The following FHOD3 variants were observed in gnomAD, a reference collection of about 807,000 sequenced individuals.
The protein encoded by FHOD3 is formin homology 2 domain containing 3.
FHOD3 carries 90 observed loss-of-function variants against 173.0 expected under a neutral mutation model. The ratio of observed to expected loss-of-function variants is 0.52; its 90% CI spans 0.44 to 0.62. The LOEUF (loss-of-function observed/expected upper bound fraction) is 0.62, where lower values mean the gene tolerates loss of function less well. Among genes scored for constraint, FHOD3 ranks in the 20% least tolerant of loss-of-function variants. The pLI, the probability that FHOD3 is intolerant of heterozygous loss-of-function variation, is 0.00. For synonymous variants in FHOD3, 828 were observed against 823.0 expected (o/e 1.01, Z -0.10); for missense variants, 1,945 against 2,034.7 (o/e 0.96, Z 0.85).
intron 20 of FHOD3, among the ~76,000 whole-genome samples, chr18:36,735,491 C>A (rs1038174745): frequency 6.6e-6 from 1 of 152,146 alleles, no homozygotes; most frequent in South Asian, 2.1e-4. Flanking sequence ...TAGAGGTAGC[C>A]CCTGGGTTCT....
chr18:36,358,566 A>G (rs1208943923), intron 2 of FHOD3, among the ~76,000 whole-genome samples: 1 of 152,252 alleles, frequency 6.6e-6, no homozygotes, highest in Non-Finnish European at 1.5e-5. Flanking sequence ...TGCTGGGAAA[A>G]TGAATTATGG....
intron 13 of FHOD3, among the ~76,000 whole-genome samples, chr18:36,656,098 C>A (rs889506894): frequency 6.6e-6 from 1 of 152,074 alleles, no homozygotes; most frequent in Non-Finnish European, 1.5e-5. Flanking sequence ...GGTCTCGTCA[C>A]GGAGAGTGCT....
intron 3 of FHOD3, among the ~76,000 whole-genome samples, chr18:36,386,964 CT>C (rs1461346163): frequency 6.6e-6 from 1 of 152,154 alleles, no homozygotes; most frequent in African/African-American, 2.4e-5. Context: ...TGTTGTGTAC[CT>C]AGAATCTAAG....
intron 20 of FHOD3, among the ~76,000 whole-genome samples, chr18:36,732,400 G>C (rs948815950): frequency 2.6e-5 from 4 of 152,280 alleles, no homozygotes; most frequent in South Asian, 2.1e-4. Context: ...TACACCCCCT[G>C]TTCCAGGAAC....
Position 36,532,535 on chromosome 18 carries a change from C to A in FHOD3, c.511+19992C>A, listed in dbSNP as rs187232697. On this transcript the variant is annotated intron_variant, in intron 5 of 28. Coordinates refer to ENST00000590592, the MANE Select transcript of FHOD3 (RefSeq NM_001281740.3). ...CCTGGCAGAGGGAGCTTCTGGTTTCCTTCCCCATCAGAAATATTTCTGAGT... is the reference window on the plus strand; with the variant it reads ...CCTGGCAGAGGGAGCTTCTGGTTTCATTCCCCATCAGAAATATTTCTGAGT... Among the ~76,000 whole-genome samples the A allele has an allele frequency of 6.6e-5, 10 of 152,308 alleles. 1 individual carries two copies. In the East Asian group the frequency reaches 1.9e-3, roughly 29 times the overall value.
intron 3 of FHOD3, among the ~76,000 whole-genome samples, chr18:36,423,470 A>C (rs909204204): frequency 2.6e-5 from 4 of 152,210 alleles, no homozygotes; most frequent in South Asian, 4.1e-4. Context: ...ATCTGATGAG[A>C]ATTCCTAAGT....
chr18:36,774,281 T>C (rs1272686870), intron 28 of FHOD3, among the ~76,000 whole-genome samples: 1 of 152,202 alleles, frequency 6.6e-6, no homozygotes, highest in African/African-American at 2.4e-5. Flanking sequence ...GGCTGGGCTC[T>C]GCAAGGCCAA....
chr18:36,602,714 A>G lies in FHOD3; in HGVS notation c.759A>G (p.Glu253=), dbSNP rs771028885. 1.9e-6 allele frequency: 3 copies of G among 1,614,234 alleles called. No individual in the cohort carries two copies. Among genetic ancestry groups the G allele is most frequent in the Non-Finnish European group, 2.5e-6 (3 of 1,180,034 alleles). The change falls in exon 8 of 29, where the codon GAA becomes GAG. Residue 253 remains glutamate, a synonymous_variant. Coordinates refer to ENST00000590592, the MANE Select transcript of FHOD3 (RefSeq NM_001281740.3). ...PWSNIMEILE[E]KDGVDTELLV... is the part of the protein sequence containing the mutation. Reference sequence around the variant, plus strand: ...CAAATATCATGGAAATCCTGGAGGAAAAAGATGGAGTTGATACGGAGCTAC... The same window carrying G: ...CAAATATCATGGAAATCCTGGAGGAGAAAGATGGAGTTGATACGGAGCTAC...
chr18:36,557,089 G>T (rs2057917100), intron 5 of FHOD3, among the ~76,000 whole-genome samples: 1 of 151,972 alleles, frequency 6.6e-6, no homozygotes, highest in Non-Finnish European at 1.5e-5. Context: ...CTGTTCTTCT[G>T]TATCAATGGT....
In FHOD3 at chr18:36,732,553, T is replaced by G. The variant is rs569010283; in HGVS notation, c.3576+1749T>G. Among the ~76,000 whole-genome samples, 7 of 152,308 alleles carry G rather than the reference T, an allele frequency of 4.6e-5. No homozygotes were observed. The South Asian group carries it at 1.4e-3, about 32-fold the overall frequency. ...CAGCATTCTCCTCTGTGTTCAAACT[T>G]CCTTCTTCTTATAAGGATACCAGTC... On this transcript the variant is annotated intron_variant, in intron 20 of 28. Coordinates refer to ENST00000590592, the MANE Select transcript of FHOD3 (RefSeq NM_001281740.3).
At chr18:36,531,463 C>T (rs1450999464) in intron 5 of FHOD3, among the ~76,000 whole-genome samples, 1 of 152,210 alleles carries the variant, frequency 6.6e-6, no homozygotes, top group Non-Finnish European at 1.5e-5. Flanking sequence ...GTGGTTGAGA[C>T]CCTTCCCCGA....
Position 36,746,972 on chromosome 18 carries a change from T to A in FHOD3, c.4069T>A (p.Leu1357Ile), listed in dbSNP as rs761072317. The A allele has an allele frequency of 3.1e-5, 50 of 1,612,032 alleles. No individual in the cohort carries two copies. The highest frequency in any genetic ancestry group is 4.2e-5 in the Non-Finnish European group (50 of 1,179,450). Residue 1357 changes from leucine (L) to isoleucine (I), a missense_variant, in exon 24 of 29, where the codon TTA (leucine) becomes ATA (isoleucine). Leu to Ile is a conservative substitution (Grantham distance 5). Transcript: ENST00000590592. ...TGACTTTGATCAACTTCAGGATAAT[T>A]TATGTCAGATGGAGAGAAGATGCAA... ...KVDFDQLQDN[L>I]CQMERRCKAS...
At chr18:36,364,406 A>G (rs1432120646) in intron 2 of FHOD3, among the ~76,000 whole-genome samples, 1 of 152,092 alleles carries the variant, frequency 6.6e-6, no homozygotes, top group East Asian at 1.9e-4. Flanking sequence ...GTGCACGCCC[A>G]TTTCTGTGTG....
chr18:36,407,479 A>T (rs2049128931), intron 3 of FHOD3, among the ~76,000 whole-genome samples: 1 of 152,100 alleles, frequency 6.6e-6, no homozygotes, highest in Admixed American at 6.5e-5. Flanking sequence ...CCTCACACTC[A>T]CGATTTCAGT....
chr18:36,486,836 C>T (rs927257442), intron 3 of FHOD3, among the ~76,000 whole-genome samples: 3 of 152,218 alleles, frequency 2.0e-5, no homozygotes, highest in Admixed American at 2.0e-4. Flanking sequence ...TCCAGGCAAG[C>T]ACTGGTCTGC....
intron 3 of FHOD3, among the ~76,000 whole-genome samples, chr18:36,437,180 C>T (rs983110743): frequency 2.0e-5 from 3 of 151,992 alleles, no homozygotes; most frequent in Non-Finnish European, 2.9e-5. Context: ...TGCAGTGGTG[C>T]CTTCTTGGCT....
chr18:36,607,101 C>T (rs2032165562), intron 8 of FHOD3, among the ~76,000 whole-genome samples: 1 of 152,198 alleles, frequency 6.6e-6, no homozygotes, highest in Non-Finnish European at 1.5e-5. Context: ...TGCCTCACTC[C>T]CGTGGCTCCA....
intron 3 of FHOD3, among the ~76,000 whole-genome samples, chr18:36,406,833 G>A (rs1357106901): frequency 6.6e-6 from 1 of 152,142 alleles, no homozygotes; most frequent in African/African-American, 2.4e-5. Flanking sequence ...GGTACTCTCT[G>A]TGTGTGATCA....
intron 4 of FHOD3, among the ~76,000 whole-genome samples, chr18:36,504,463 A>G (rs985835208): frequency 1.3e-5 from 2 of 152,192 alleles, no homozygotes; most frequent in Non-Finnish European, 2.9e-5. Flanking sequence ...GAAACTGGAA[A>G]TCATCATTCT....
Sources: allele counts gnomAD v4.1 joint callset (sites outside exome capture counted in the v4.1 genomes callset), GRCh38; gene constraint gnomAD v4.1.1; transcripts MANE v1.5; gene names NCBI Gene and HGNC (gene_info 2026-07-23, HGNC 2026-07-21).